The following ASIC2 variants were observed in gnomAD, a reference collection of about 807,000 sequenced individuals.
ASIC2 encodes acid-sensing ion channel 2.
Under a neutral mutation model 57.3 loss-of-function variants are expected in ASIC2, and 25 were observed. The ratio of observed to expected loss-of-function variants is 0.44; its 90% CI spans 0.32 to 0.61. The LOEUF is 0.61. ASIC2 is among the 20% of genes least tolerant of loss of function. ASIC2 has a pLI of 0.06. For synonymous variants in ASIC2, 319 were observed against 307.5 expected, an observed-to-expected ratio of 1.04 and a Z score of -0.39; for missense variants, 641 against 738.1, an observed-to-expected ratio of 0.87 and a Z score of 1.52.
intron 1 of ASIC2, among the ~76,000 whole-genome samples, chr17:33,178,716 G>A (rs1468438395): frequency 6.6e-6 from 1 of 152,198 alleles, no homozygotes; most frequent in East Asian, 1.9e-4. Flanking sequence ...CCAACCTAGA[G>A]GATCAGTTTC....
chr17:33,041,366 T>C (rs1483724644), intron 3 of ASIC2, among the ~76,000 whole-genome samples: 1 of 152,240 alleles, frequency 6.6e-6, no homozygotes, highest in Non-Finnish European at 1.5e-5. Flanking sequence ...TCATTCAAGA[T>C]GGCAGTATGG....
At chr17:34,044,771 A>G (rs1908276123) in intron 1 of ASIC2, among the ~76,000 whole-genome samples, 1 of 152,208 alleles carries the variant, frequency 6.6e-6, no homozygotes, top group African/African-American at 2.4e-5. Flanking sequence ...ACTTTCCAGC[A>G]GGCACATCCT....
chr17:33,191,075 T>C (rs1221791987), intron 1 of ASIC2, among the ~76,000 whole-genome samples: 1 of 152,180 alleles, frequency 6.6e-6, no homozygotes, highest in African/African-American at 2.4e-5. Flanking sequence ...AAACAACCCA[T>C]GTTTCCATCA....
At chr17:33,307,391 C>A (rs908513019) in intron 1 of ASIC2, among the ~76,000 whole-genome samples, 6 of 152,052 alleles carry the variant, frequency 3.9e-5, no homozygotes, top group African/African-American at 1.4e-4. Context: ...ATCACTGCAA[C>A]CTCCACCTCC....
chr17:34,031,834 C>T (rs1312815225), intron 1 of ASIC2, among the ~76,000 whole-genome samples: 3 of 152,186 alleles, frequency 2.0e-5, no homozygotes, highest in Non-Finnish European at 4.4e-5. Flanking sequence ...AAGAAACAAA[C>T]AAAGCCTCCA....
At chr17:33,492,745 G>A (rs1344342907) in intron 1 of ASIC2, among the ~76,000 whole-genome samples, 1 of 152,166 alleles carries the variant, frequency 6.6e-6, no homozygotes, top group East Asian at 1.9e-4. Flanking sequence ...TACCATCTGT[G>A]ATCCATGTAC....
chr17:33,160,717 A>C (rs760257790), intron 1 of ASIC2, among the ~76,000 whole-genome samples: 1 of 152,184 alleles, frequency 6.6e-6, no homozygotes, highest in Non-Finnish European at 1.5e-5. Flanking sequence ...GTTGATGGGA[A>C]GATGGCTGGG....
At chr17:33,864,476 C>T (rs1406122051) in intron 1 of ASIC2, among the ~76,000 whole-genome samples, 1 of 152,192 alleles carries the variant, frequency 6.6e-6, no homozygotes, top group Non-Finnish European at 1.5e-5. Flanking sequence ...GACCACCCAA[C>T]CAGTTCCTCT....
intron 3 of ASIC2, among the ~76,000 whole-genome samples, chr17:33,065,784 A>T (rs2092041022): frequency 6.6e-6 from 1 of 152,248 alleles, no homozygotes; most frequent in Admixed American, 6.5e-5. Flanking sequence ...AATTGACAGA[A>T]TAAAAAGTGG....
chr17:33,051,164 C>T (rs958520711), intron 3 of ASIC2, among the ~76,000 whole-genome samples: 4 of 152,120 alleles, frequency 2.6e-5, no homozygotes, highest in African/African-American at 9.7e-5. Context: ...GATGCTTTGC[C>T]AAGGGTCTCT....
At chr17:33,527,535 G>C (rs1021368356) in intron 1 of ASIC2, among the ~76,000 whole-genome samples, 4 of 152,156 alleles carry the variant, frequency 2.6e-5, no homozygotes, top group Non-Finnish European at 5.9e-5. Flanking sequence ...CCAGGAGTGG[G>C]GTGTTGTGTG....
At chr17:33,348,651 G>GA (rs1908045775) in intron 1 of ASIC2, among the ~76,000 whole-genome samples, 1 of 152,108 alleles carries the variant, frequency 6.6e-6, no homozygotes. Context: ...GAGGCTTTAT[G>GA]ATGATGGACA....
intron 1 of ASIC2, among the ~76,000 whole-genome samples, chr17:34,111,606 T>G (rs2142111416): frequency 6.6e-6 from 1 of 152,274 alleles, no homozygotes; most frequent in East Asian, 1.9e-4. Context: ...ACACTTATTG[T>G]TTTTGATGAG....
At chr17:33,571,439 G>T (rs112988715) in intron 1 of ASIC2, among the ~76,000 whole-genome samples, 2 of 152,152 alleles carry the variant, frequency 1.3e-5, no homozygotes, top group South Asian at 4.1e-4. Flanking sequence ...TATACTTAGC[G>T]CAGAGTAGGT....
At chr17:33,692,791 T>C (rs1429104551) in intron 1 of ASIC2, among the ~76,000 whole-genome samples, 1 of 152,168 alleles carries the variant, frequency 6.6e-6, no homozygotes, top group East Asian at 1.9e-4. Context: ...TGTTGCACTA[T>C]GATGGTACAA....
At chr17:33,673,336 C>T (rs1907699002) in intron 1 of ASIC2, among the ~76,000 whole-genome samples, 1 of 152,192 alleles carries the variant, frequency 6.6e-6, no homozygotes, top group African/African-American at 2.4e-5. Flanking sequence ...AGGGCTTGGG[C>T]TTTCTCTTTG....
At chr17:33,702,276 G>A (rs1050298297) in intron 1 of ASIC2, among the ~76,000 whole-genome samples, 6 of 152,150 alleles carry the variant, frequency 3.9e-5, no homozygotes, top group African/African-American at 7.2e-5. Context: ...GTACTCAGTC[G>A]TAGTTAGTTT....
chr17:33,988,263 C>T (rs553552411), intron 1 of ASIC2, among the ~76,000 whole-genome samples: 1 of 152,212 alleles, frequency 6.6e-6, no homozygotes, highest in Non-Finnish European at 1.5e-5. Flanking sequence ...ATGATTGCTA[C>T]ATGCCAGTCC....
At chr17:33,850,911 C>T (rs991180688) in intron 1 of ASIC2, among the ~76,000 whole-genome samples, 2 of 151,948 alleles carry the variant, frequency 1.3e-5, no homozygotes, top group Non-Finnish European at 2.9e-5. Flanking sequence ...GCCGTCCCAG[C>T]CCATTAACCT....
Sources: gnomAD v4.1 joint callset for allele counts (sites outside exome capture counted in the v4.1 genomes callset) on GRCh38, gnomAD v4.1.1 for gene constraint, MANE v1.5 for transcripts, NCBI Gene and HGNC (gene_info 2026-07-23, HGNC 2026-07-21) for gene names.